SCAF11: variants seen among roughly 807,000 people sequenced by gnomAD.
SCAF11 encodes the protein SR-related CTD associated factor 11, also known as protein SCAF11.
SCAF11 carries 47 observed loss-of-function variants against 140.5 expected under a neutral mutation model. The ratio of observed to expected loss-of-function variants is 0.33; its 90% CI spans 0.26 to 0.43. SCAF11 has a LOEUF of 0.43. SCAF11 is among the 20% of genes least tolerant of loss of function. SCAF11 has a pLI of 1.00. For synonymous variants in SCAF11, 557 were observed against 579.4 expected (o/e 0.96, Z 0.55); for missense variants, 1,645 against 1,705.1 (o/e 0.96, Z 0.62).
At chr12:45,990,629 C>T, upstream of SCAF11, 1 of 1,185,650 alleles carries the variant, frequency 8.4e-7, no homozygotes, top group South Asian at 4.4e-5. Flanking sequence ...CTGCGCGTCT[C>T]CCTCCTCCTC....
intron 10 of SCAF11, 149 bp from the exon 11 acceptor site, chr12:45,929,008 C>T: frequency 2.3e-6 from 1 of 433,312 alleles, no homozygotes. Flanking sequence ...TAGCTACTAA[C>T]ATCTGAGTAA....
chr12:45,974,317 G>A (rs1592220533), intron 1 of SCAF11: 3 of 440,986 alleles, frequency 6.8e-6, no homozygotes, highest in East Asian at 7.1e-5. Context: ...TTGCTGAAGG[G>A]CAGGGTTGGC....
Position 45,951,639 on chromosome 12 carries a change from A to G in SCAF11, c.297+11T>C. On this transcript the variant is annotated intron_variant, in intron 4 of 14. Coordinates refer to ENST00000369367, the MANE Select transcript of SCAF11 (RefSeq NM_004719.3). ...TTTATATAATTCATGTTGCAGAATA[A>G]AAAGACTTACCTTAACATAACCTTC... 6.5e-7 allele frequency: 1 copy of G among 1,536,402 alleles called. No homozygotes were observed. The highest frequency in any genetic ancestry group is 8.8e-7 in the Non-Finnish European group (1 of 1,130,572).
chr12:45,946,196 A>C (rs1055257072), intron 5 of SCAF11, among the ~76,000 whole-genome samples: 1 of 152,240 alleles, frequency 6.6e-6, no homozygotes, highest in African/African-American at 2.4e-5. Context: ...AAGAAACAAA[A>C]TACCACTGCA....
intron 3 of SCAF11, chr12:45,960,975 A>G: frequency 5.0e-6 from 1 of 198,972 alleles, no homozygotes; most frequent in Non-Finnish European, 1.0e-5. Context: ...TTAACATTTC[A>G]TAACAATAAG....
At position 45,926,169 on chromosome 12, in the gene SCAF11, T is replaced by G; in HGVS notation, c.3532A>C (p.Lys1178Gln). Reference protein sequence around the residue: ...NSSGPQSGWMKQEEETSGQDS... With the variant: ...NSSGPQSGWMQQEEETSGQDS... ...TGTCCAGATGTTTCCTCCTCTTGTT[T>G]CATCCATCCAGACTGTGGACCTGAA... Residue 1178 changes from lysine (K) to glutamine (Q), a missense_variant, in exon 11 of 15, where the codon AAA becomes CAA. Transcript: ENST00000369367. 1 of 1,613,440 alleles carries G rather than the reference T, an allele frequency of 6.2e-7. No homozygotes were observed. The highest frequency in any genetic ancestry group is 8.5e-7 in the Non-Finnish European group (1 of 1,179,494).
At chr12:45,950,983 CAT>C (rs1301070742) in intron 4 of SCAF11, among the ~76,000 whole-genome samples, 3 of 152,218 alleles carry the variant, frequency 2.0e-5, no homozygotes, top group South Asian at 4.1e-4. Context: ...AAATCTTTCT[CAT>C]ATACTTAACT....
At chr12:45,978,634 T>C (rs79029317) in intron 1 of SCAF11, among the ~76,000 whole-genome samples, 2,745 of 152,234 alleles carry the variant, frequency 0.018, 225 homozygotes, top group Admixed American at 0.13. Flanking sequence ...AAAGGCATCT[T>C]GGATGGACGT....
intron 1 of SCAF11, among the ~76,000 whole-genome samples, chr12:45,989,040 T>C (rs951176997): frequency 6.6e-6 from 1 of 152,172 alleles, no homozygotes; most frequent in Non-Finnish European, 1.5e-5. Flanking sequence ...TTGCATCTTT[T>C]AACCAAAATA....
In SCAF11 at chr12:45,953,820, T is replaced by C. The variant is rs934308940; in HGVS notation, c.220-2093A>G. On this transcript the variant is annotated intron_variant, in intron 3 of 14. Coordinates refer to ENST00000369367, the MANE Select transcript of SCAF11 (RefSeq NM_004719.3). Reference sequence around the variant, plus strand: ...CCTTATTTGTGAAAATGAGAAAAAATAACTTACCTCTAAGGTTTTTATGGG... The same window carrying C: ...CCTTATTTGTGAAAATGAGAAAAAACAACTTACCTCTAAGGTTTTTATGGG... 4.0e-6 allele frequency: 3 copies of C among 758,132 alleles called. No individual in the cohort carries two copies. The Admixed American group carries it at 7.9e-5, about 20-fold the overall frequency. The allele number at this position is 758,132 out of a possible 1,614,324, so 47.0% of individuals were successfully genotyped here. A position where few individuals can be genotyped will look rare whatever the true frequency, so the allele number is the denominator to read the frequency against.
intron 4 of SCAF11, among the ~76,000 whole-genome samples, chr12:45,949,512 A>G (rs1425203838): frequency 6.6e-6 from 1 of 152,156 alleles, no homozygotes; most frequent in African/African-American, 2.4e-5. Flanking sequence ...GGCTTATAGT[A>G]TACTTCTATC....
At chr12:45,977,542 C>T (rs1302212293) in intron 1 of SCAF11, among the ~76,000 whole-genome samples, 1 of 152,048 alleles carries the variant, frequency 6.6e-6, no homozygotes, top group African/African-American at 2.4e-5. Flanking sequence ...AACTATACAC[C>T]TCAAAAAGCT....
At chr12:45,983,942 C>T (rs1051797161) in intron 1 of SCAF11, among the ~76,000 whole-genome samples, 1 of 152,130 alleles carries the variant, frequency 6.6e-6, no homozygotes, top group Non-Finnish European at 1.5e-5. Flanking sequence ...TTTAAATTTA[C>T]TCAAGAGGGT....
intron 1 of SCAF11, among the ~76,000 whole-genome samples, chr12:45,972,773 ACAC>A (rs1331479357): frequency 2.7e-5 from 4 of 148,098 alleles, no homozygotes; most frequent in Admixed American, 6.8e-5. Context: ...TTAAAAGAAA[ACAC>A]CACCAAGATG....
intron 6 of SCAF11, among the ~76,000 whole-genome samples, chr12:45,939,656 C>T (rs895435678): frequency 3.3e-5 from 5 of 152,124 alleles, no homozygotes; most frequent in African/African-American, 1.2e-4. Flanking sequence ...CGAGATCGTG[C>T]CATTGAGATC....
intron 1 of SCAF11, among the ~76,000 whole-genome samples, chr12:45,975,921 A>G (rs976501477): frequency 2.6e-5 from 4 of 152,180 alleles, no homozygotes; most frequent in African/African-American, 9.7e-5. Context: ...TATAATAATA[A>G]CAAAGATATT....
At position 45,928,624 on chromosome 12, in the gene SCAF11, G is replaced by A. The variant is rs1944960800; in HGVS notation, c.1077C>T (p.Pro359=). ...TTTGCTTTTCTGACTCAGCTGAAGA[G>A]GGAACACTTAAAGATGGATTACTGT... ...PGNSNPSLSV[P]SSAESEKQTR... Residue 359 remains proline (P), a synonymous_variant, in exon 11 of 15, where the codon CCC becomes CCT. Coordinates refer to ENST00000369367, the MANE Select transcript of SCAF11 (RefSeq NM_004719.3). 1 of 1,614,082 alleles carries A rather than the reference G, an allele frequency of 6.2e-7. No individual in the cohort carries two copies. The highest frequency in any genetic ancestry group is 8.5e-7 in the Non-Finnish European group (1 of 1,179,990).
At chr12:45,934,553 T>C in intron 6 of SCAF11, 48 bp from the exon 7 acceptor site, 1 of 1,332,282 alleles carries the variant, frequency 7.5e-7, no homozygotes. Flanking sequence ...TAATTTTTAT[T>C]AAAAAGGCTG....
intron 6 of SCAF11, among the ~76,000 whole-genome samples, chr12:45,936,515 T>C (rs1043432418): frequency 5.3e-5 from 8 of 152,186 alleles, no homozygotes; most frequent in Non-Finnish European, 7.3e-5. Context: ...TTATTATCCA[T>C]CATTAATTTA....
Sources: gnomAD v4.1 joint callset for allele counts (sites outside exome capture counted in the v4.1 genomes callset) on GRCh38, gnomAD v4.1.1 for gene constraint, MANE v1.5 for transcripts, NCBI Gene and HGNC (gene_info 2026-07-23, HGNC 2026-07-21) for gene names.